Variants in CCDC57 observed in about 807,000 individuals in gnomAD.
CCDC57 encodes the protein coiled-coil domain-containing protein 57.
Under a neutral mutation model 118.9 loss-of-function variants are expected in CCDC57, and 118 were observed. The observed-to-expected ratio is 0.99, with a 90% CI of 0.86 to 1.16. The LOEUF is 1.16. Ranked by LOEUF, CCDC57 falls within the 50% of genes most tolerant of loss-of-function variation. The pLI, the probability that CCDC57 is intolerant of heterozygous loss-of-function variation, is 0.00. For missense variants in CCDC57, 1,300 were observed against 1,320.7 expected, an observed-to-expected ratio of 0.98 and a Z score of 0.24; for synonymous variants, 527 against 532.9, an observed-to-expected ratio of 0.99 and a Z score of 0.15.
exon 8 of CCDC57, chr17:82,188,225 A>G (rs1370684536): frequency 1.4e-5 from 21 of 1,549,648 alleles, no homozygotes; most frequent in Non-Finnish European, 1.8e-5. Context: ...TCACTGGTCA[A>G]TGGCAGCGTC....
At chr17:82,193,805 G>A in exon 7 of CCDC57, 1 of 1,600,098 alleles carries the variant, frequency 6.2e-7, no homozygotes, top group African/African-American at 1.3e-5. Context: ...TGCACAGAGT[G>A]AAGTTTATCC....
intron 19 of CCDC57, among the ~76,000 whole-genome samples, chr17:82,120,490 TA>T (rs1179618415): frequency 1.3e-5 from 2 of 152,252 alleles, no homozygotes; most frequent in African/African-American, 4.8e-5. Context: ...TGTCGCATCT[TA>T]ACCAGAAACC....
chr17:82,146,209 C>T (rs1275525126), intron 16 of CCDC57, among the ~76,000 whole-genome samples: 1 of 152,134 alleles, frequency 6.6e-6, no homozygotes, highest in Non-Finnish European at 1.5e-5. Flanking sequence ...ACGGCTGTCC[C>T]ACGTTGAATA....
intron 19 of CCDC57, among the ~76,000 whole-genome samples, chr17:82,126,114 C>G (rs1292887938): frequency 2.4e-4 from 37 of 152,052 alleles, no homozygotes; most frequent in Admixed American, 2.4e-3. Context: ...AACCCCGTCT[C>G]TACTAAAAAT....
intron 17 of CCDC57, among the ~76,000 whole-genome samples, chr17:82,133,738 G>GC (rs2038768563): frequency 6.6e-6 from 1 of 151,962 alleles, no homozygotes; most frequent in Non-Finnish European, 1.5e-5. Flanking sequence ...GTGCATGCCT[G>GC]TAATCCCAGC....
exon 8 of CCDC57, chr17:82,188,250 T>A: frequency 6.4e-7 from 1 of 1,560,724 alleles, no homozygotes; most frequent in Non-Finnish European, 8.7e-7. Flanking sequence ...TCCTTGGCGG[T>A]GTCAGCCTGT....
At chr17:82,152,750 C>T (rs1037120526) in intron 15 of CCDC57, among the ~76,000 whole-genome samples, 6 of 152,200 alleles carry the variant, frequency 3.9e-5, no homozygotes, top group African/African-American at 1.4e-4. Flanking sequence ...GCCAGCACAC[C>T]CTGTCCCCGC....
chr17:82,184,065 ACACACAC>A (rs2046637905), intron 8 of CCDC57, 133 bp from the exon 8 acceptor site: 2 of 583,634 alleles, frequency 3.4e-6, no homozygotes, highest in African/African-American at 3.8e-5. Context: ...ACACACACAC[ACACACAC>A]ACACACACAC....
intron 8 of CCDC57, 63 bp from the exon 8 acceptor site, chr17:82,183,995 G>C: frequency 7.9e-7 from 1 of 1,271,312 alleles, no homozygotes; most frequent in Non-Finnish European, 1.1e-6. Context: ...CTCTTACACA[G>C]CACCCCCCAG....
At position 82,178,457 on chromosome 17, in the gene CCDC57, C is replaced by T. The variant is rs370581577; in HGVS notation, c.1506+17G>A. On this transcript the variant is annotated intron_variant, in intron 11 of 19. Coordinates refer to ENST00000665763, the Ensembl canonical transcript of CCDC57. ...GCTGTTGAGCAAAGTTTCAAAGAGC[C>T]GACTGGGTACTCTCACCTGTGCCCC... 1.0e-4 allele frequency: 160 copies of T among 1,579,316 alleles called. 2 individuals are homozygous for T. In the Admixed American group the frequency reaches 2.6e-3, roughly 26 times the overall value.
At position 82,151,559 on chromosome 17, in the gene CCDC57, C is replaced by T; in HGVS notation, c.2455+1G>A. 6.5e-7 allele frequency: 1 copy of T among 1,550,220 alleles called. No individual in the cohort carries two copies. The highest frequency in any genetic ancestry group is 8.7e-7 in the Non-Finnish European group (1 of 1,146,932). ...CCATGGCCTCCACTTCCCGGACTCA[C>T]TTTCGGGTCGGCCCAGCTCTGCACG... On this transcript the variant is annotated splice_donor_variant, in intron 16 of 19. Coordinates refer to ENST00000665763, the Ensembl canonical transcript of CCDC57. LOFTEE classifies it high-confidence loss of function.
rs967255929 is a variant in CCDC57 at position 82,146,187 on chromosome 17, C to T, written c.2455+5373G>A. On this transcript the variant is annotated intron_variant, in intron 16 of 19. Coordinates refer to ENST00000665763, the Ensembl canonical transcript of CCDC57. ...CACAGGCAGAGCAGGTCCTGCTCAGCCCCCTGGCTGGACGGCTGTCCCACG... is the reference window on the plus strand; with the variant it reads ...CACAGGCAGAGCAGGTCCTGCTCAGTCCCCTGGCTGGACGGCTGTCCCACG... Among the ~76,000 whole-genome samples the T allele has an allele frequency of 3.9e-5, 6 of 152,292 alleles. 1 individual carries two copies. Among genetic ancestry groups the T allele is most frequent in the Admixed American group, 3.3e-4 (5 of 15,288 alleles).
Position 82,212,502 on chromosome 17 carries a change from G to GCCC in CCDC57, c.-211+280_-211+282dup, listed in dbSNP as rs746618682. ...CGGGGAATTCTCCCGGGGCTGCGGG[G>GCCC]CCCTGGTCGGCAGCGCCCACCGCCC... is the stretch of plus-strand genomic sequence containing the variant. On this transcript the variant is annotated intron_variant, in intron 1 of 19. Transcript: ENST00000665763. The surrounding 1 kb of genome is among the most constrained non-coding windows in gnomAD (Gnocchi z 4.1). Among the ~76,000 whole-genome samples the GCCC allele has an allele frequency of 3.0e-4, 46 of 151,624 alleles. No individual in the cohort carries two copies. Among genetic ancestry groups the GCCC allele is most frequent in the Non-Finnish European group, 4.4e-4 (30 of 67,842 alleles).
At chr17:82,152,385 G>C (rs1424466258) in intron 15 of CCDC57, 3 of 155,242 alleles carry the variant, frequency 1.9e-5, no homozygotes, top group African/African-American at 7.2e-5. Context: ...CAGGTGCAGG[G>C]GGAGCACAAA....
At position 82,193,740 on chromosome 17, in the gene CCDC57, G is replaced by A. The variant is rs1472530472; in HGVS notation, c.851+16C>T. The A allele has an allele frequency of 6.3e-7, 1 of 1,582,228 alleles. No individual in the cohort carries two copies. Among genetic ancestry groups the A allele is most frequent in the Non-Finnish European group, 8.6e-7 (1 of 1,162,640 alleles). ...CCACTGACATGCTGCATGATGTTGGGAGCCGAAACACTCACTTCCTCTTAA... is the reference window on the plus strand; with the variant it reads ...CCACTGACATGCTGCATGATGTTGGAAGCCGAAACACTCACTTCCTCTTAA... On this transcript the variant is annotated intron_variant, in intron 7 of 19. Coordinates refer to ENST00000665763, the Ensembl canonical transcript of CCDC57.
At chr17:82,167,648 G>C (rs1030998956) in intron 13 of CCDC57, among the ~76,000 whole-genome samples, 11 of 151,992 alleles carry the variant, frequency 7.2e-5, no homozygotes, top group African/African-American at 2.7e-4. Flanking sequence ...ACCACACCCG[G>C]CCAATTTTTG....
intron 13 of CCDC57, among the ~76,000 whole-genome samples, chr17:82,170,614 G>A (rs1050369350): frequency 3.3e-5 from 5 of 151,818 alleles, no homozygotes; most frequent in African/African-American, 9.7e-5. Flanking sequence ...GCAGGGGAGA[G>A]GGTGCCGTCT....
chr17:82,183,019 A>G (rs1421052454), intron 9 of CCDC57, among the ~76,000 whole-genome samples: 4 of 152,210 alleles, frequency 2.6e-5, no homozygotes, highest in Non-Finnish European at 5.9e-5. Flanking sequence ...GAACTCACTT[A>G]CTATCATAAG....
rs114449878 is a variant in CCDC57 at position 82,185,105 on chromosome 17, G to A, written c.1053-1173C>T. On this transcript the variant is annotated intron_variant, in intron 8 of 19. Coordinates refer to ENST00000665763, the Ensembl canonical transcript of CCDC57. The stretch of plus-strand genomic sequence containing the variant: ...AGTCTCCCCTGATGCACAGTCTCAG[G>A]TGTAGATCAATGGGCACGGCTGCTG... 8.4e-3 allele frequency: 1,268 copies of A among 151,778 alleles called. 16 individuals carry two copies. The highest frequency in any genetic ancestry group is 0.03 in the African/African-American group (1,232 of 40,760). The allele number at this position is 151,778 out of a possible 1,614,324, so 9.4% of individuals were successfully genotyped here. A position where few individuals can be genotyped will look rare whatever the true frequency, so the allele number is the denominator to read the frequency against.
Sources: allele counts gnomAD v4.1 joint callset (sites outside exome capture counted in the v4.1 genomes callset), GRCh38; gene constraint gnomAD v4.1.1; non-coding constraint Gnocchi (gnomAD v3.1); transcripts MANE v1.5; gene names NCBI Gene and HGNC (gene_info 2026-07-23, HGNC 2026-07-21).